Variants in GLCCI1 observed in about 807,000 individuals in gnomAD.
GLCCI1 encodes the protein glucocorticoid induced 1.
Under a neutral mutation model 52.2 loss-of-function variants are expected in GLCCI1, and 24 were observed. That is an observed-to-expected ratio of 0.46 (90% confidence interval 0.33 to 0.65). The LOEUF is 0.65. GLCCI1 is among the 30% of genes least tolerant of loss of function. The pLI is 0.02. For synonymous variants in GLCCI1, 310 were observed against 276.5 expected (o/e 1.12, Z -1.20); for missense variants, 704 against 701.5 (o/e 1.00, Z -0.04).
At chr7:8,040,580 C>T (rs964635318) in intron 3 of GLCCI1, among the ~76,000 whole-genome samples, 2 of 149,238 alleles carry the variant, frequency 1.3e-5, no homozygotes, top group East Asian at 2.0e-4. Flanking sequence ...ATTTAAAAGA[C>T]GGATTAATTG....
At chr7:7,989,244 G>T (rs1780794239) in intron 1 of GLCCI1, among the ~76,000 whole-genome samples, 1 of 151,716 alleles carries the variant, frequency 6.6e-6, no homozygotes, top group African/African-American at 2.4e-5. Flanking sequence ...TAGTCCACTA[G>T]CTGATGCTAT....
chr7:8,034,058 A>T (rs1339031840), intron 3 of GLCCI1, among the ~76,000 whole-genome samples: 1 of 152,154 alleles, frequency 6.6e-6, no homozygotes, highest in Non-Finnish European at 1.5e-5. Flanking sequence ...ATAAAGATTT[A>T]TAGGTAAATG....
At chr7:8,003,220 G>A (rs1374441953) in intron 1 of GLCCI1, among the ~76,000 whole-genome samples, 5 of 152,116 alleles carry the variant, frequency 3.3e-5, no homozygotes, top group African/African-American at 9.7e-5. Context: ...GAAGGAAGGC[G>A]AGAGGAAAGG....
At position 8,060,129 on chromosome 7, in the gene GLCCI1, T is replaced by C. The variant is rs1316540001; in HGVS notation, c.847T>C (p.Ser283Pro). The stretch of plus-strand genomic sequence containing the variant: ...ATCAAGGTCAGTTCCTATGCCACTG[T>C]CAAATATATCAGTGCCAAAATCATC... The part of the protein sequence containing the change: ...TGSRSVPMPL[S>P]NISVPKSSVS... The change falls in exon 5 of 8, where the codon TCA becomes CCA. Residue 283 changes from serine (S) to proline (P), a missense_variant. Physicochemically the swap from Ser to Pro is moderately conservative, Grantham distance 74. This residue lies in a region of GLCCI1 where 547 missense variants were observed against 524.8 expected (regional missense o/e 1.04). Coordinates refer to ENST00000223145, the MANE Select transcript of GLCCI1 (RefSeq NM_138426.4). The C allele has an allele frequency of 1.2e-6, 2 of 1,613,576 alleles. No individual in the cohort carries two copies. The highest frequency in any genetic ancestry group is 2.7e-5 in the African/African-American group (2 of 74,912).
chr7:8,001,736 A>G (rs1781053191), intron 1 of GLCCI1, among the ~76,000 whole-genome samples: 1 of 152,224 alleles, frequency 6.6e-6, no homozygotes, highest in African/African-American at 2.4e-5. Context: ...GGATTAAGAA[A>G]ATGTGGCATA....
chr7:8,030,812 A>G (rs2127951516), intron 3 of GLCCI1, among the ~76,000 whole-genome samples: 1 of 152,260 alleles, frequency 6.6e-6, no homozygotes. Flanking sequence ...TATTAGAGAA[A>G]TGCAGATCAA....
intron 3 of GLCCI1, among the ~76,000 whole-genome samples, chr7:8,045,133 G>T (rs11981372): frequency 8.6e-5 from 13 of 151,936 alleles, no homozygotes; most frequent in African/African-American, 2.7e-4. Flanking sequence ...GTGAGCTGGA[G>T]GTAAATTTAA....
intron 3 of GLCCI1, among the ~76,000 whole-genome samples, chr7:8,046,298 A>G (rs1782125676): frequency 6.6e-6 from 1 of 152,214 alleles, no homozygotes; most frequent in South Asian, 2.1e-4. Context: ...CCCTCCCTCA[A>G]CCATCTGAGT....
chr7:8,001,370 ACT>A (rs1433342796), intron 1 of GLCCI1, among the ~76,000 whole-genome samples: 1 of 152,198 alleles, frequency 6.6e-6, no homozygotes, highest in Non-Finnish European at 1.5e-5. Flanking sequence ...ATCGGCCCCC[ACT>A]CTCTTCTGGC....
rs145300955 is a variant in GLCCI1 at position 8,006,776 on chromosome 7, GCAGGCCCAC to G, written c.609+2726_609+2734del. The stretch of plus-strand genomic sequence containing the variant: ...ACATGCCGGTATATGTCCACATGGG[GCAGGCCCAC>G]CAGGCCCATTAGGCCCACCTCGTCT... On this transcript the variant is annotated intron_variant, in intron 2 of 7. Transcript: ENST00000223145. Among the ~76,000 whole-genome samples, 1,330 of 152,256 alleles carry G rather than the reference GCAGGCCCAC, an allele frequency of 8.7e-3. 12 individuals are homozygous for G. The highest frequency in any genetic ancestry group is 0.014 in the Non-Finnish European group (982 of 68,020).
intron 3 of GLCCI1, among the ~76,000 whole-genome samples, chr7:8,047,585 C>T (rs1419707859): frequency 6.6e-6 from 1 of 152,138 alleles, no homozygotes; most frequent in African/African-American, 2.4e-5. Context: ...TATATAGTGT[C>T]AACATGTGCA....
chr7:8,069,079 C>T (rs146547928), intron 5 of GLCCI1, among the ~76,000 whole-genome samples: 1,668 of 152,196 alleles, frequency 0.011, 29 homozygotes, highest in African/African-American at 0.038. Flanking sequence ...GTGCTGGCTG[C>T]AGATCTTGGC....
chr7:8,042,835 A>G (rs1782032536), intron 3 of GLCCI1, among the ~76,000 whole-genome samples: 1 of 152,258 alleles, frequency 6.6e-6, no homozygotes, highest in African/African-American at 2.4e-5. Context: ...TAGTTGATAA[A>G]GAGTGGCAGG....
intron 3 of GLCCI1, among the ~76,000 whole-genome samples, chr7:8,028,981 C>T (rs1781687768): frequency 6.6e-6 from 1 of 152,082 alleles, no homozygotes; most frequent in South Asian, 2.1e-4. Flanking sequence ...TAAAGAAAAG[C>T]CTGGGACCCA....
Position 8,016,207 on chromosome 7 carries a change from C to T in GLCCI1, c.610-6276C>T, listed in dbSNP as rs542232700. ...AAGATCGCCCGGGCGCGGTGGCTTA[C>T]GCCTGTAATCCCAGCACTTTGGGAG... On this transcript the variant is annotated intron_variant, in intron 2 of 7. Coordinates refer to ENST00000223145, the MANE Select transcript of GLCCI1 (RefSeq NM_138426.4). Among the ~76,000 whole-genome samples the T allele has an allele frequency of 1.3e-3, 193 of 152,338 alleles. 2 individuals are homozygous for T. The highest frequency in any genetic ancestry group is 7.3e-3 in the South Asian group (35 of 4,820).
intron 1 of GLCCI1, among the ~76,000 whole-genome samples, chr7:7,991,860 C>T (rs1780844134): frequency 6.6e-6 from 1 of 151,954 alleles, no homozygotes; most frequent in Admixed American, 6.6e-5. Flanking sequence ...TTGTGAGTGT[C>T]AGGCTTGGAG....
In GLCCI1 at chr7:8,086,368, C is replaced by T. The variant is rs761454571; in HGVS notation, c.1474C>T (p.Leu492=). The change falls in exon 8 of 8, where the codon CTG becomes TTG. Residue 492 remains leucine (L), a synonymous_variant. Coordinates refer to ENST00000223145, the MANE Select transcript of GLCCI1 (RefSeq NM_138426.4). This position sits in a 1 kb window ranked among gnomAD's most constrained non-coding sequence, Gnocchi z 4.4. The part of the protein sequence containing the change: ...NSGQSSALAT[L]TVEQLSSRVS... ...TGGCCAGAGCTCAGCTTTGGCAACT[C>T]TGACCGTTGAGCAGCTCTCATCCCG... The T allele has an allele frequency of 2.5e-6, 4 of 1,614,172 alleles. No homozygotes were observed. Among genetic ancestry groups the T allele is most frequent in the East Asian group, 4.5e-5 (2 of 44,884 alleles).
intron 2 of GLCCI1, among the ~76,000 whole-genome samples, chr7:8,006,916 C>CA (rs1243810721): frequency 6.6e-6 from 1 of 152,190 alleles, no homozygotes; most frequent in Non-Finnish European, 1.5e-5. Context: ...GTGCCATCCT[C>CA]AAAAAGCAAG....
At chr7:7,997,676 C>G (rs1386144468) in intron 1 of GLCCI1, among the ~76,000 whole-genome samples, 5 of 151,990 alleles carry the variant, frequency 3.3e-5, no homozygotes, top group Non-Finnish European at 7.4e-5. Context: ...ACCTGTAATC[C>G]CAGCAGTTTG....
Sources: allele counts gnomAD v4.1 joint callset (sites outside exome capture counted in the v4.1 genomes callset), GRCh38; gene constraint gnomAD v4.1.1; regional missense constraint gnomAD v4.1.1; non-coding constraint Gnocchi (gnomAD v3.1); transcripts MANE v1.5; gene names NCBI Gene and HGNC (gene_info 2026-07-23, HGNC 2026-07-21).